The following ANK3 variants were observed in gnomAD, a reference collection of about 807,000 sequenced individuals.
ANK3 encodes ankyrin-3.
In ANK3, 57 loss-of-function variants were observed where a neutral mutation model predicts 370.9. That is an observed-to-expected ratio of 0.15 (90% CI 0.12 to 0.19). The LOEUF (loss-of-function observed/expected upper bound fraction) is 0.19, where lower values mean the gene tolerates loss of function less well. Among genes scored for constraint, ANK3 ranks in the 10% least tolerant of loss-of-function variants. The probability of loss-of-function intolerance (pLI) is 1.00; values close to 1 mark genes in which losing one functional copy is unlikely to be tolerated. For missense variants in ANK3, 4,439 were observed against 5,302.1 expected, an observed-to-expected ratio of 0.84 and a Z score of 5.06; for synonymous variants, 1,929 against 1,946.3, an observed-to-expected ratio of 0.99 and a Z score of 0.23.
At chr10:60,103,853 C>A (rs1404428878) in intron 28 of ANK3, among the ~76,000 whole-genome samples, 2 of 151,960 alleles carry the variant, frequency 1.3e-5, no homozygotes, top group African/African-American at 4.8e-5. Context: ...ACATAGAATC[C>A]AAGACAGAAG....
At chr10:60,058,107 A>G (rs10509121) in intron 41 of ANK3, among the ~76,000 whole-genome samples, 23,203 of 152,214 alleles carry the variant, frequency 0.15, 2,402 homozygotes, top group East Asian at 0.59. Flanking sequence ...CTACTGAGAA[A>G]TTACTATTTG....
At chr10:60,679,284 G>A (rs1169793545) in intron 1 of ANK3, among the ~76,000 whole-genome samples, 1 of 152,150 alleles carries the variant, frequency 6.6e-6, no homozygotes, top group African/African-American at 2.4e-5. Context: ...AGCAGGGCAG[G>A]AGAGGGCCCC....
At chr10:60,478,945 G>A (rs1179258386) in intron 2 of ANK3, among the ~76,000 whole-genome samples, 2 of 152,130 alleles carry the variant, frequency 1.3e-5, no homozygotes, top group South Asian at 4.2e-4. Context: ...ATACGAACAC[G>A]GTGGTTATTT....
chr10:60,496,500 T>C (rs1399715306), intron 2 of ANK3, among the ~76,000 whole-genome samples: 1 of 152,010 alleles, frequency 6.6e-6, no homozygotes, highest in African/African-American at 2.4e-5. Context: ...TCACTTTTAT[T>C]TCTTCATAGA....
At chr10:60,536,013 T>G (rs567997299) in intron 2 of ANK3, among the ~76,000 whole-genome samples, 3 of 152,232 alleles carry the variant, frequency 2.0e-5, no homozygotes, top group Admixed American at 2.0e-4. Context: ...AATTATTTTC[T>G]CTTTGAGGAT....
chr10:60,693,551 C>T (rs2079391349), intron 1 of ANK3, among the ~76,000 whole-genome samples: 1 of 152,226 alleles, frequency 6.6e-6, no homozygotes, highest in Admixed American at 6.5e-5. Flanking sequence ...AGCTGGAGAT[C>T]TGAGAACGGG....
chr10:60,209,038 G>C (rs1484243505), intron 9 of ANK3, among the ~76,000 whole-genome samples: 14 of 152,106 alleles, frequency 9.2e-5, no homozygotes, highest in Admixed American at 9.2e-4. Flanking sequence ...AGGGTCAAAG[G>C]TAAATAAAAC....
intron 21 of ANK3, among the ~76,000 whole-genome samples, chr10:60,169,973 T>C (rs575270161): frequency 8.4e-4 from 128 of 152,308 alleles, no homozygotes; most frequent in African/African-American, 2.9e-3. Context: ...TCCAGGCTCA[T>C]CTTATATATT....
intron 2 of ANK3, among the ~76,000 whole-genome samples, chr10:60,436,627 G>T (rs970667908): frequency 1.3e-5 from 2 of 152,074 alleles, no homozygotes; most frequent in Admixed American, 1.3e-4. Context: ...CGATTCAAAT[G>T]CTTTGCCTAT....
At chr10:60,466,711 T>C (rs965008926) in intron 2 of ANK3, among the ~76,000 whole-genome samples, 2 of 152,106 alleles carry the variant, frequency 1.3e-5, no homozygotes, top group Non-Finnish European at 2.9e-5. Flanking sequence ...TATATCTCAA[T>C]GGAATATCAC....
intron 2 of ANK3, among the ~76,000 whole-genome samples, chr10:60,475,882 G>T (rs1423028981): frequency 6.6e-6 from 1 of 152,122 alleles, no homozygotes; most frequent in Non-Finnish European, 1.5e-5. Flanking sequence ...CACACACCAT[G>T]CTGATAGATA....
chr10:60,606,846 G>T (rs762326901), intron 2 of ANK3, among the ~76,000 whole-genome samples: 1 of 152,136 alleles, frequency 6.6e-6, no homozygotes, highest in African/African-American at 2.4e-5. Flanking sequence ...CATGATAAAT[G>T]TTGTGTTGAA....
chr10:60,511,237 C>G (rs997097429), intron 2 of ANK3, among the ~76,000 whole-genome samples: 7 of 152,070 alleles, frequency 4.6e-5, no homozygotes, highest in African/African-American at 1.2e-4. Context: ...CTCAATTTGT[C>G]AGCAAGAGAA....
At chr10:60,235,550 G>GTTT (rs72388493) in intron 7 of ANK3, among the ~76,000 whole-genome samples, 27 of 115,054 alleles carry the variant, frequency 2.3e-4, no homozygotes, top group Non-Finnish European at 3.3e-4. Flanking sequence ...CTGATTTCTT[G>GTTT]TTTTTTTTTT....
At chr10:60,682,871 T>A (rs924641885) in intron 1 of ANK3, among the ~76,000 whole-genome samples, 5 of 152,158 alleles carry the variant, frequency 3.3e-5, no homozygotes, top group African/African-American at 9.6e-5. Flanking sequence ...TTCCCTGAGC[T>A]CTGTCAGCTG....
chr10:60,700,152 T>G (rs2079527416), intron 1 of ANK3, among the ~76,000 whole-genome samples: 1 of 152,146 alleles, frequency 6.6e-6, no homozygotes, highest in Non-Finnish European at 1.5e-5. Context: ...GAGAGCATTT[T>G]GCTTCCTAAA....
At chr10:60,164,447 A>G (rs1435396329) in intron 23 of ANK3, among the ~76,000 whole-genome samples, 2 of 151,692 alleles carry the variant, frequency 1.3e-5, no homozygotes, top group Non-Finnish European at 2.9e-5. Flanking sequence ...GAGGGCGACC[A>G]GGTTGCTGAG....
intron 2 of ANK3, among the ~76,000 whole-genome samples, chr10:60,401,860 A>G (rs4948417): frequency 0.1 from 15,334 of 152,148 alleles, 1,133 homozygotes; most frequent in East Asian, 0.26. Flanking sequence ...CTTAGGATAA[A>G]TTTCTGGAGG....
intron 1 of ANK3, among the ~76,000 whole-genome samples, chr10:60,334,111 A>G (rs1004663375): frequency 1.8e-4 from 28 of 152,180 alleles, no homozygotes; most frequent in Admixed American, 3.9e-4. Context: ...GGTAATCTCT[A>G]TTAGTCTGTT....
Sources: allele counts gnomAD v4.1 joint callset (sites outside exome capture counted in the v4.1 genomes callset), GRCh38; gene constraint gnomAD v4.1.1; transcripts MANE v1.5; gene names NCBI Gene and HGNC (gene_info 2026-07-23, HGNC 2026-07-21).